CBLC: variants seen among roughly 807,000 people sequenced by gnomAD.
CBLC encodes the protein Cbl proto-oncogene C, also known as E3 ubiquitin-protein ligase CBL-C.
CBLC carries 46 observed loss-of-function variants against 58.6 expected under a neutral mutation model. The ratio of observed to expected loss-of-function variants is 0.79; its 90% CI spans 0.62 to 1.00. CBLC has a LOEUF of 1.00. Ranked by LOEUF, CBLC falls within the 50% of genes least tolerant of loss-of-function variation. The probability of loss-of-function intolerance (pLI) is 0.00; values close to 1 mark genes in which losing one functional copy is unlikely to be tolerated. For synonymous variants in CBLC, 271 were observed against 264.2 expected (o/e 1.03, Z -0.25); for missense variants, 655 against 625.8 (o/e 1.05, Z -0.50).
At chr19:44,778,431 A>T in intron 1 of CBLC, 147 bp downstream of exon 1, 1 of 491,590 alleles carries the variant, frequency 2.0e-6, no homozygotes, top group Non-Finnish European at 2.7e-6. Flanking sequence ...CCTCCCTCAG[A>T]CTCAGGGCTC....
chr19:44,795,261 A>G (rs945692609), intron 9 of CBLC, among the ~76,000 whole-genome samples: 1 of 151,422 alleles, frequency 6.6e-6, no homozygotes, highest in Non-Finnish European at 1.5e-5. Flanking sequence ...CCGGCCTGCA[A>G]TCCCAACACT....
chr19:44,792,555 CCT>C (rs757061451), intron 7 of CBLC, 41 bp downstream of exon 7: 24 of 1,530,012 alleles, frequency 1.6e-5, no homozygotes, highest in East Asian at 4.8e-5. Flanking sequence ...CTGGTCTCCC[CCT>C]CTCTACAGGG....
intron 3 of CBLC, among the ~76,000 whole-genome samples, chr19:44,781,963 A>G (rs1370353380): frequency 3.0e-5 from 2 of 66,316 alleles, no homozygotes; most frequent in Admixed American, 1.9e-4. Flanking sequence ...CTGAGGGAGG[A>G]GGGGCTGGGG....
intron 9 of CBLC, among the ~76,000 whole-genome samples, chr19:44,800,079 G>A (rs1968261733): frequency 6.6e-6 from 1 of 152,132 alleles, no homozygotes; most frequent in Non-Finnish European, 1.5e-5. Context: ...CCTGTCAGAT[G>A]GTGGCCGCCA....
chr19:44,784,448 G>A, intron 5 of CBLC, 47 bp downstream of exon 5: 1 of 1,523,306 alleles, frequency 6.6e-7, no homozygotes, highest in Non-Finnish European at 8.9e-7. Context: ...AAATCTGGTT[G>A]GAAAGATCTT....
chr19:44,789,960 A>G (rs770131972), intron 5 of CBLC, 44 bp from the exon 6 acceptor site: 6 of 1,267,926 alleles, frequency 4.7e-6, no homozygotes, highest in Non-Finnish European at 6.9e-6. Context: ...GGGGGTGGGA[A>G]ATACTGGATG....
chr19:44,800,491 ACTCCACCCTC>A (rs780639506), intron 10 of CBLC, 41 bp downstream of exon 10: 2 of 1,282,876 alleles, frequency 1.6e-6, no homozygotes, highest in East Asian at 2.4e-5. Flanking sequence ...ACTCCACCCC[ACTCCACCCTC>A]CTCCACCTGG....
At chr19:44,795,187 C>T (rs1313501934) in intron 9 of CBLC, among the ~76,000 whole-genome samples, 1 of 151,610 alleles carries the variant, frequency 6.6e-6, no homozygotes, top group South Asian at 2.1e-4. Context: ...CAAACCCCTG[C>T]CCTCAGCTGA....
chr19:44,779,926 C>G (rs987243789), intron 1 of CBLC, among the ~76,000 whole-genome samples: 19 of 152,012 alleles, frequency 1.2e-4, no homozygotes, highest in Non-Finnish European at 1.8e-4. Context: ...TTTTTAATCA[C>G]TATAATGCCC....
intron 9 of CBLC, among the ~76,000 whole-genome samples, chr19:44,800,133 C>T (rs2122523260): frequency 6.6e-6 from 1 of 152,314 alleles, no homozygotes; most frequent in South Asian, 2.1e-4. Flanking sequence ...GGACGTCCAC[C>T]CAGGCTGCAG....
chr19:44,782,112 G>T (rs1967763749), intron 3 of CBLC, among the ~76,000 whole-genome samples: 1 of 149,700 alleles, frequency 6.7e-6, no homozygotes, highest in Non-Finnish European at 1.5e-5. Flanking sequence ...GAGGGAGGAG[G>T]GGGTGAGGGC....
upstream of CBLC, chr19:44,777,879 A>G (rs937568625): frequency 2.4e-5 from 35 of 1,434,998 alleles, no homozygotes; most frequent in Non-Finnish European, 3.0e-5. Flanking sequence ...ACTCTGGGCG[A>G]GGCCGCCCCT....
At position 44,789,449 on chromosome 19, in the gene CBLC, G is replaced by A. The variant is rs1967990514; in HGVS notation, c.918-555G>A. ...GACAGAGTCTCACTCTGTTGCCCAG[G>A]CTGCAGTGCAATGGCATGATCTTGG... On this transcript the variant is annotated intron_variant, in intron 5 of 10. Coordinates refer to ENST00000647358, the MANE Select transcript of CBLC (RefSeq NM_012116.4). 2.0e-5 allele frequency among the ~76,000 whole-genome samples: 3 copies of A among 152,012 alleles called. No individual in the cohort carries two copies. The South Asian group carries it at 6.2e-4, about 32-fold the overall frequency.
intron 5 of CBLC, among the ~76,000 whole-genome samples, chr19:44,789,283 A>T (rs1436214409): frequency 6.6e-6 from 1 of 152,114 alleles, no homozygotes; most frequent in Non-Finnish European, 1.5e-5. Flanking sequence ...CTCTCAGAGG[A>T]TCTTTCCATC....
intron 9 of CBLC, among the ~76,000 whole-genome samples, chr19:44,794,961 T>A (rs1424673128): frequency 1.8e-5 from 2 of 108,470 alleles, no homozygotes; most frequent in Non-Finnish European, 3.5e-5. Flanking sequence ...TCCCAGTACT[T>A]TTTTTTTTTT....
At chr19:44,793,335 C>A in intron 7 of CBLC, 139 bp from the exon 8 acceptor site, 1 of 941,202 alleles carries the variant, frequency 1.1e-6, no homozygotes, top group Non-Finnish European at 1.5e-6. Context: ...CTGCTCTCCA[C>A]GACTCTTCTC....
intron 7 of CBLC, 151 bp from the exon 8 acceptor site, chr19:44,793,323 C>A: frequency 1.2e-6 from 1 of 842,898 alleles, no homozygotes; most frequent in Non-Finnish European, 1.7e-6. Context: ...CTCCACATTC[C>A]TCTGCTCTCC....
chr19:44,788,906 A>G (rs970987219), intron 5 of CBLC, among the ~76,000 whole-genome samples: 2 of 152,236 alleles, frequency 1.3e-5, no homozygotes, highest in African/African-American at 2.4e-5. Flanking sequence ...GGCCCCAGCC[A>G]GGTCACACAG....
At chr19:44,800,516 G>A in intron 10 of CBLC, 35 bp from the exon 11 acceptor site, 1 of 1,026,182 alleles carries the variant, frequency 9.7e-7, no homozygotes, top group South Asian at 1.4e-5. Context: ...ACCTGGAGGT[G>A]ACCTCATCTA....
Sources: allele counts gnomAD v4.1 joint callset (sites outside exome capture counted in the v4.1 genomes callset), GRCh38; gene constraint gnomAD v4.1.1; transcripts MANE v1.5; gene names NCBI Gene and HGNC (gene_info 2026-07-23, HGNC 2026-07-21).